The following VPS13D variants were observed in gnomAD, a reference collection of about 807,000 sequenced individuals.
VPS13D encodes intermembrane lipid transfer protein VPS13D.
A neutral mutation model predicts 461.9 loss-of-function variants in VPS13D; 187 were observed. The ratio of observed to expected loss-of-function variants is 0.40; its 90% CI spans 0.36 to 0.46. VPS13D has a LOEUF of 0.46. VPS13D is among the 20% of genes least tolerant of loss of function. VPS13D has a pLI of 0.60. For missense variants in VPS13D, 4,711 were observed against 5,364.9 expected, an observed-to-expected ratio of 0.88 and a Z score of 3.81; for synonymous variants, 1,951 against 1,986.3, an observed-to-expected ratio of 0.98 and a Z score of 0.47.
chr1:12,385,466 C>T, intron 59 of VPS13D, 93 bp downstream of exon 59: 1 of 1,004,236 alleles, frequency 1.0e-6, no homozygotes, highest in Non-Finnish European at 1.5e-6. Flanking sequence ...TTCTTTCTAT[C>T]CTGTATGATT....
chr1:12,450,162 A>C (rs1472301995), intron 65 of VPS13D, among the ~76,000 whole-genome samples: 1 of 152,174 alleles, frequency 6.6e-6, no homozygotes, highest in Non-Finnish European at 1.5e-5. Flanking sequence ...AAAGTATGTG[A>C]TTTTAGCAGA....
At chr1:12,304,476 G>T in intron 25 of VPS13D, 30 bp from the exon 26 acceptor site, 1 of 1,583,808 alleles carries the variant, frequency 6.3e-7, no homozygotes, top group Non-Finnish European at 8.6e-7. Context: ...CCCATTTCCT[G>T]CATTCTAGTT....
chr1:12,293,291 C>G (rs1180940426), intron 23 of VPS13D, among the ~76,000 whole-genome samples: 1 of 152,198 alleles, frequency 6.6e-6, no homozygotes, highest in Admixed American at 6.5e-5. Context: ...TCTGAGTGAC[C>G]TCAGTGCTAG....
At chr1:12,267,060 G>A in intron 14 of VPS13D, 49 bp downstream of exon 14, 7 of 1,475,330 alleles carry the variant, frequency 4.7e-6, no homozygotes, top group South Asian at 1.5e-5. Flanking sequence ...TTGGTAAATT[G>A]TAGTCTGTTT....
rs962839539 is a variant in VPS13D at position 12,267,840 on chromosome 1, A to G, written c.1726-5A>G. The G allele has an allele frequency of 6.2e-7, 1 of 1,614,014 alleles. No homozygotes were observed. On this transcript the variant is annotated splice_region_variant and splice_polypyrimidine_tract_variant and intron_variant, in intron 14 of 69. Coordinates refer to ENST00000620676, the MANE Select transcript of VPS13D (RefSeq NM_015378.4). ...TTTACGCATTTTTGTGTGTTTGTTT[A>G]ATAGCAAAAAGAAGTTGGCAGAGTC...
chr1:12,485,676 C>A (rs1557469897), intron 67 of VPS13D, among the ~76,000 whole-genome samples: 1 of 152,016 alleles, frequency 6.6e-6, no homozygotes, highest in Non-Finnish European at 1.5e-5. Flanking sequence ...GGGGGGTGGG[C>A]CCGCAGGGGA....
Position 12,299,596 on chromosome 1 carries a change from G to A in VPS13D, c.6216+212G>A, listed in dbSNP as rs148352071. Among the ~76,000 whole-genome samples, 65 of 152,074 alleles carry A rather than the reference G, an allele frequency of 4.3e-4. No homozygotes were observed. In the East Asian group the frequency reaches 0.011, roughly 27 times the overall value. The stretch of plus-strand genomic sequence containing the variant: ...TAACTCTTAGTAAATGTAGGTAGTA[G>A]AATTTTTTTTGACATTTTATTGATA... On this transcript the variant is annotated intron_variant, in intron 25 of 69. Transcript: ENST00000620676. The surrounding 1 kb of genome is among the most constrained non-coding windows in gnomAD (Gnocchi z 4.2).
At chr1:12,393,133 G>T (rs933574039) in intron 60 of VPS13D, among the ~76,000 whole-genome samples, 1 of 152,198 alleles carries the variant, frequency 6.6e-6, no homozygotes, top group East Asian at 1.9e-4. Context: ...CTGAATTTTA[G>T]TCGGATTTAT....
chr1:12,335,129 T>C (rs959607033), intron 38 of VPS13D, among the ~76,000 whole-genome samples: 4 of 152,186 alleles, frequency 2.6e-5, no homozygotes, highest in Non-Finnish European at 4.4e-5. Flanking sequence ...TGCAGTGGCA[T>C]GATCTCGGCT....
chr1:12,417,029 C>T (rs1481162388), intron 65 of VPS13D, among the ~76,000 whole-genome samples: 2 of 152,174 alleles, frequency 1.3e-5, no homozygotes, highest in Non-Finnish European at 2.9e-5. Flanking sequence ...CTTCCTCCTT[C>T]CTCTCCGTTG....
chr1:12,287,493 T>C (rs1391893373), intron 21 of VPS13D, among the ~76,000 whole-genome samples: 1 of 152,184 alleles, frequency 6.6e-6, no homozygotes, highest in African/African-American at 2.4e-5. Context: ...AGGGTGTGAA[T>C]TGAAGATTAA....
rs145609944 is a variant in VPS13D at position 12,356,596 on chromosome 1, A to G, written c.9998+72A>G. ...GGAAGAAATTAGTAAAGGCTATAATATATCCGTGTAAGTAGAAATATACTG... is the reference window on the plus strand; with the variant it reads ...GGAAGAAATTAGTAAAGGCTATAATGTATCCGTGTAAGTAGAAATATACTG... On this transcript the variant is annotated intron_variant, in intron 49 of 69. Coordinates refer to ENST00000620676, the MANE Select transcript of VPS13D (RefSeq NM_015378.4). The G allele has an allele frequency of 1.4e-3, 2,172 of 1,546,234 alleles. 24 individuals are homozygous for G. The African/African-American group carries it at 0.02, about 14-fold the overall frequency.
At chr1:12,454,462 A>G (rs1377596780) in intron 65 of VPS13D, among the ~76,000 whole-genome samples, 1 of 152,256 alleles carries the variant, frequency 6.6e-6, no homozygotes, top group African/African-American at 2.4e-5. Context: ...CAAACAAATA[A>G]TGATAGGGGT....
intron 67 of VPS13D, among the ~76,000 whole-genome samples, chr1:12,467,917 A>G (rs1023698372): frequency 8.2e-5 from 11 of 133,832 alleles, no homozygotes; most frequent in South Asian, 2.6e-4. Flanking sequence ...CTTCCAAAAG[A>G]AAAAAAAAAA....
In VPS13D at chr1:12,352,118, C is replaced by T. The variant is rs575265799; in HGVS notation, c.9432-1856C>T. ...CAGCCTGGCCAATATGGTGAAACTCCGTCTCTAGTAAAAATACAACAAATT... is the reference window on the plus strand; with the variant it reads ...CAGCCTGGCCAATATGGTGAAACTCTGTCTCTAGTAAAAATACAACAAATT... On this transcript the variant is annotated intron_variant, in intron 46 of 69. Transcript: ENST00000620676. Among the ~76,000 whole-genome samples, 17 of 151,724 alleles carry T rather than the reference C, an allele frequency of 1.1e-4. No homozygotes were observed. The East Asian group carries it at 2.4e-3, about 21-fold the overall frequency.
At chr1:12,378,793 T>A (rs1171069722) in intron 56 of VPS13D, among the ~76,000 whole-genome samples, 10 of 152,230 alleles carry the variant, frequency 6.6e-5, no homozygotes, top group Non-Finnish European at 1.5e-4. Context: ...CCCATGCAGA[T>A]GTTAAGAAAC....
At chr1:12,434,574 G>A (rs994557645) in intron 65 of VPS13D, among the ~76,000 whole-genome samples, 4 of 152,146 alleles carry the variant, frequency 2.6e-5, no homozygotes, top group African/African-American at 9.7e-5. Context: ...ACTTTCGTTT[G>A]TTTATTTAGC....
intron 3 of VPS13D, 46 bp downstream of exon 3, chr1:12,242,636 T>C: frequency 1.3e-6 from 2 of 1,541,212 alleles, no homozygotes; most frequent in South Asian, 1.1e-5. Context: ...TCTTAAATTG[T>C]TTGAGAGGTG....
intron 50 of VPS13D, among the ~76,000 whole-genome samples, chr1:12,361,216 A>G (rs964749015): frequency 2.0e-5 from 3 of 151,878 alleles, no homozygotes; most frequent in Admixed American, 6.6e-5. Context: ...AATTATTATT[A>G]TTGTTGTTGT....
Sources: allele counts gnomAD v4.1 joint callset (sites outside exome capture counted in the v4.1 genomes callset), GRCh38; gene constraint gnomAD v4.1.1; non-coding constraint Gnocchi (gnomAD v3.1); transcripts MANE v1.5; gene names NCBI Gene and HGNC (gene_info 2026-07-23, HGNC 2026-07-21).